VPS13C: variants seen among roughly 807,000 people sequenced by gnomAD.
VPS13C encodes vacuolar protein sorting 13 homolog C.
VPS13C carries 358 observed loss-of-function variants against 456.8 expected under a neutral mutation model. That is an observed-to-expected ratio of 0.78 (90% CI 0.72 to 0.86). The LOEUF (loss-of-function observed/expected upper bound fraction) is 0.86. Ranked by LOEUF, VPS13C falls within the 40% of genes least tolerant of loss-of-function variation. The pLI is 0.00. For missense variants in VPS13C, 4,818 were observed against 4,385.4 expected (o/e 1.10, Z -2.79); for synonymous variants, 1,578 against 1,486.7 (o/e 1.06, Z -1.41).
At chr15:61,954,318 G>T in intron 38 of VPS13C, 103 bp downstream of exon 38, 1 of 1,313,980 alleles carries the variant, frequency 7.6e-7, no homozygotes, top group Non-Finnish European at 1.1e-6. Context: ...AGCCCACATA[G>T]ATTTTTTTCA....
At chr15:61,990,545 T>A (rs2046193021) in intron 18 of VPS13C, among the ~76,000 whole-genome samples, 1 of 152,172 alleles carries the variant, frequency 6.6e-6, no homozygotes, top group Admixed American at 6.5e-5. Context: ...GCACGGTGGC[T>A]CACCCCTGTA....
intron 12 of VPS13C, among the ~76,000 whole-genome samples, chr15:62,011,444 T>C (rs1184954625): frequency 6.6e-6 from 1 of 152,070 alleles, no homozygotes; most frequent in South Asian, 2.1e-4. Flanking sequence ...GTGCCAACTA[T>C]TATCCAGCGT....
chr15:61,880,977 G>C, intron 71 of VPS13C, 23 bp from the exon 72 acceptor site: 1 of 1,545,846 alleles, frequency 6.5e-7, no homozygotes, highest in Non-Finnish European at 8.8e-7. Flanking sequence ...ATTTAAAATG[G>C]AAAAGGATTT....
chr15:61,890,156 C>T lies in VPS13C; in HGVS notation c.9341+9G>A. On this transcript the variant is annotated intron_variant, in intron 67 of 84. Coordinates refer to ENST00000644861, the MANE Select transcript of VPS13C (RefSeq NM_020821.3). The stretch of plus-strand genomic sequence containing the variant: ...AGGTTTAGGATGTCTTATTTTCCTT[C>T]TTGCATACCTGGTTATCCCAATATA... The T allele has an allele frequency of 6.2e-7, 1 of 1,612,970 alleles. No homozygotes were observed. The highest frequency in any genetic ancestry group is 1.1e-5 in the South Asian group (1 of 91,050).
chr15:61,946,209 C>T (rs1748469905), intron 44 of VPS13C, 98 bp downstream of exon 44: 1 of 958,802 alleles, frequency 1.0e-6, no homozygotes, highest in African/African-American at 1.7e-5. Flanking sequence ...GTGCCTGGTA[C>T]ATGACAGATA....
intron 1 of VPS13C, among the ~76,000 whole-genome samples, 169 bp from the exon 2 acceptor site, chr15:62,044,424 A>G (rs1361143443): frequency 1.3e-5 from 2 of 152,198 alleles, no homozygotes; most frequent in Non-Finnish European, 2.9e-5. Flanking sequence ...CATATGCTCA[A>G]GAGTTATTAA....
In VPS13C at chr15:62,012,123, G is replaced by A; in HGVS notation, c.867C>T (p.Pro289=). Residue 289 remains proline (P), a synonymous_variant, in exon 12 of 85, where the codon CCC becomes CCT. Coordinates refer to ENST00000644861, the MANE Select transcript of VPS13C (RefSeq NM_020821.3). Reference sequence around the variant, plus strand: ...ATTACTTACTGTATTGATAATTTGGGGGTATATTTCCACTTGTAAGAATTT... The same window carrying A: ...ATTACTTACTGTATTGATAATTTGGAGGTATATTTCCACTTGTAAGAATTT... ...KNEILTSGNI[P]PNYQYIFQPI... is the part of the protein sequence containing the mutation. 3.9e-6 allele frequency: 6 copies of A among 1,533,656 alleles called. No homozygotes were observed. The highest frequency in any genetic ancestry group is 5.4e-6 in the Non-Finnish European group (6 of 1,111,914).
At chr15:61,879,984 GTTAC>G (rs1895728831) in intron 73 of VPS13C, among the ~76,000 whole-genome samples, 1 of 152,046 alleles carries the variant, frequency 6.6e-6, no homozygotes, top group Admixed American at 6.6e-5. Context: ...ATTTTAAAGA[GTTAC>G]TTAATTATAA....
intron 3 of VPS13C, among the ~76,000 whole-genome samples, chr15:62,036,862 C>T (rs1332143256): frequency 6.6e-6 from 1 of 151,454 alleles, no homozygotes; most frequent in East Asian, 1.9e-4. Context: ...AACTCAAGGG[C>T]ACCCACAAAT....
chr15:62,006,913 G>C (rs900191727), intron 15 of VPS13C, among the ~76,000 whole-genome samples: 2 of 152,056 alleles, frequency 1.3e-5, no homozygotes, highest in Non-Finnish European at 2.9e-5. Flanking sequence ...CTTAGTAAAA[G>C]CTGTTTTTTA....
chr15:61,858,336 ATCTATCTATCTATCTATCTATCTATCTG>A lies in VPS13C; in HGVS notation c.10953-1955_10953-1928del, dbSNP rs1449310821. Among the ~76,000 whole-genome samples the A allele has an allele frequency of 1.3e-5, 2 of 148,992 alleles. No individual in the cohort carries two copies. Among genetic ancestry groups the A allele is most frequent in the African/African-American group, 5.0e-5 (2 of 40,258 alleles). On this transcript the variant is annotated intron_variant, in intron 82 of 84. Transcript: ENST00000644861. The surrounding 1 kb of genome is among the most constrained non-coding windows in gnomAD (Gnocchi z 4.4). The stretch of plus-strand genomic sequence containing the variant: ...ACTCCAACTATCTATCTATCTATCT[ATCTATCTATCTATCTATCTATCTATCTG>A]TCTATCTATCTCCCTCCCTCCCTAT...
intron 66 of VPS13C, among the ~76,000 whole-genome samples, chr15:61,900,451 T>C (rs1309744742): frequency 9.9e-5 from 15 of 152,128 alleles, no homozygotes; most frequent in African/African-American, 2.7e-4. Flanking sequence ...AAATCACAAG[T>C]ATTCTTATAC....
intron 53 of VPS13C, among the ~76,000 whole-genome samples, chr15:61,924,287 A>T (rs897666034): frequency 6.6e-6 from 1 of 152,152 alleles, no homozygotes; most frequent in Non-Finnish European, 1.5e-5. Flanking sequence ...CTCAAATCAA[A>T]TAGTCCTGCT....
intron 18 of VPS13C, among the ~76,000 whole-genome samples, chr15:61,985,539 G>A (rs2046021830): frequency 6.6e-6 from 1 of 152,186 alleles, no homozygotes. Context: ...TTAAAGGCGT[G>A]AGCCACCGTA....
At chr15:61,917,243 G>T in intron 60 of VPS13C, 98 bp downstream of exon 60, 1 of 1,241,050 alleles carries the variant, frequency 8.1e-7, no homozygotes, top group Non-Finnish European at 1.1e-6. Context: ...TTACACATAC[G>T]CTATATAAAA....
At chr15:62,057,598 T>C (rs1270981848) in intron 1 of VPS13C, among the ~76,000 whole-genome samples, 5 of 152,330 alleles carry the variant, frequency 3.3e-5, no homozygotes, top group East Asian at 1.9e-4. Context: ...GAATCCCTGA[T>C]TGGATGTTCA....
At chr15:62,009,666 A>AT (rs2046976581) in intron 13 of VPS13C, among the ~76,000 whole-genome samples, 1 of 152,176 alleles carries the variant, frequency 6.6e-6, no homozygotes, top group Non-Finnish European at 1.5e-5. Context: ...CTTGCATTAC[A>AT]TTTTTATTTA....
At chr15:61,955,121 C>A (rs2044943267) in intron 37 of VPS13C, among the ~76,000 whole-genome samples, 1 of 152,052 alleles carries the variant, frequency 6.6e-6, no homozygotes, top group African/African-American at 2.4e-5. Flanking sequence ...AATTCGTACA[C>A]CCTGAAATGC....
intron 81 of VPS13C, 113 bp downstream of exon 81, chr15:61,868,546 A>T: frequency 1.2e-6 from 1 of 818,874 alleles, no homozygotes; most frequent in Non-Finnish European, 2.0e-6. Flanking sequence ...GAAACTATGT[A>T]TAATACTTAA....
Sources: gnomAD v4.1 joint callset for allele counts (sites outside exome capture counted in the v4.1 genomes callset) on GRCh38, gnomAD v4.1.1 for gene constraint, Gnocchi (gnomAD v3.1) non-coding constraint, MANE v1.5 for transcripts, NCBI Gene and HGNC (gene_info 2026-07-23, HGNC 2026-07-21) for gene names.